The following ADAMTS2 variants were observed in gnomAD, a reference collection of about 807,000 sequenced individuals.
The protein encoded by ADAMTS2 is ADAM metallopeptidase with thrombospondin type 1 motif 2.
In ADAMTS2, 50 loss-of-function variants were observed where a neutral mutation model predicts 123.0. That is an observed-to-expected ratio of 0.41 (90% CI 0.32 to 0.51). ADAMTS2 has a LOEUF of 0.51. Among genes scored for constraint, ADAMTS2 ranks in the 20% least tolerant of loss-of-function variants. The pLI is 0.35. For synonymous variants in ADAMTS2, 678 were observed against 695.4 expected (o/e 0.98, Z 0.39); for missense variants, 1,494 against 1,705.2 (o/e 0.88, Z 2.18).
At chr5:179,282,713 T>C (rs2113530841) in intron 2 of ADAMTS2, among the ~76,000 whole-genome samples, 1 of 152,312 alleles carries the variant, frequency 6.6e-6, no homozygotes, top group African/African-American at 2.4e-5. Flanking sequence ...TCATGTTTGG[T>C]ACCCATTAGT....
intron 5 of ADAMTS2, among the ~76,000 whole-genome samples, chr5:179,174,574 A>G (rs1763892656): frequency 6.6e-6 from 1 of 152,192 alleles, no homozygotes; most frequent in Non-Finnish European, 1.5e-5. Context: ...TTTATGTTAT[A>G]TATTTATTTA....
Position 179,113,485 on chromosome 5 carries a change from G to A in ADAMTS2, c.*382C>T, listed in dbSNP as rs1762602014. 2 of 290,946 alleles carry A rather than the reference G, an allele frequency of 6.9e-6. No individual in the cohort carries two copies. The highest frequency in any genetic ancestry group is 1.3e-5 in the Non-Finnish European group (2 of 151,802). The allele number at this position is 290,946 out of a possible 1,614,324, so 18.0% of individuals were successfully genotyped here. ...GTCCCACAGGCTGTGTCTGGGGATC[G>A]GTAGGGAATGTCATGCATCTCCGCC... On this transcript the variant is annotated 3_prime_UTR_variant, in exon 22 of 22. Coordinates refer to ENST00000251582, the MANE Select transcript of ADAMTS2 (RefSeq NM_014244.5).
chr5:179,278,290 G>A (rs1031085145), intron 2 of ADAMTS2, among the ~76,000 whole-genome samples: 2 of 151,468 alleles, frequency 1.3e-5, no homozygotes, highest in African/African-American at 2.4e-5. Context: ...TTTATTCCCT[G>A]ATTTTCAAAC....
intron 9 of ADAMTS2, among the ~76,000 whole-genome samples, chr5:179,153,136 G>A (rs1221009135): frequency 1.3e-5 from 2 of 151,144 alleles, no homozygotes; most frequent in Non-Finnish European, 2.9e-5. Flanking sequence ...TGGCCTCTGC[G>A]TCCGTGGCCC....
chr5:179,255,109 A>C lies in ADAMTS2; in HGVS notation c.688+17802T>G, dbSNP rs181626310. On this transcript the variant is annotated intron_variant, in intron 3 of 21. Coordinates refer to ENST00000251582, the MANE Select transcript of ADAMTS2 (RefSeq NM_014244.5). ...TGAGTAAGTAGATGAATGGAGATCA[A>C]TGATGGATGGATAGATGGATGGATG... Among the ~76,000 whole-genome samples the C allele has an allele frequency of 3.2e-3, 492 of 152,270 alleles. 3 individuals carry two copies. Among genetic ancestry groups the C allele is most frequent in the African/African-American group, 0.011 (465 of 41,544 alleles).
intron 5 of ADAMTS2, among the ~76,000 whole-genome samples, chr5:179,177,020 G>A (rs1016410516): frequency 1.8e-4 from 28 of 152,248 alleles, no homozygotes; most frequent in African/African-American, 5.5e-4. Context: ...TGCCTGACCC[G>A]CGTCTCCTCC....
At chr5:179,310,196 G>C (rs1724554127) in intron 2 of ADAMTS2, among the ~76,000 whole-genome samples, 1 of 152,260 alleles carries the variant, frequency 6.6e-6, no homozygotes, top group Admixed American at 6.5e-5. Context: ...ATGCTCTGCT[G>C]TCTGCTGTGG....
At chr5:179,122,586 A>G (rs1339861416) in intron 20 of ADAMTS2, 58 bp downstream of exon 20, 2 of 1,538,700 alleles carry the variant, frequency 1.3e-6, no homozygotes, top group East Asian at 2.5e-5. Context: ...AGCCTCTGAC[A>G]CCCCCGCCCT....
At chr5:179,280,076 A>G (rs459770) in intron 2 of ADAMTS2, among the ~76,000 whole-genome samples, 48,453 of 152,034 alleles carry the variant, frequency 0.32, 7,948 homozygotes, top group East Asian at 0.47. Flanking sequence ...GAGCACAGTG[A>G]CCACAACAGA....
chr5:179,143,203 G>A (rs1383209792), intron 10 of ADAMTS2, among the ~76,000 whole-genome samples: 2 of 152,186 alleles, frequency 1.3e-5, no homozygotes, highest in Non-Finnish European at 1.5e-5. Context: ...GGAGGCCGAG[G>A]GGGGCAGATC....
rs1329865468 is a variant in ADAMTS2, at chr5:179,225,671, T to C, written c.689-17956A>G. ...CGGCAGAAGCAGAACGACACGGAGT[T>C]TGGCCGGGGCAGTCAGAGGAGAGCC... On this transcript the variant is annotated intron_variant, in intron 3 of 21. Transcript: ENST00000251582. This position sits in a 1 kb window ranked among gnomAD's most constrained non-coding sequence, Gnocchi z 4.5. Among the ~76,000 whole-genome samples, 1 of 152,076 alleles carries C rather than the reference T, an allele frequency of 6.6e-6. No homozygotes were observed. Among genetic ancestry groups the C allele is most frequent in the African/African-American group, 2.4e-5 (1 of 41,418 alleles).
In ADAMTS2 at chr5:179,146,939, G is replaced by A. The variant is rs188817848; in HGVS notation, c.1629+5203C>T. 3.0e-3 allele frequency among the ~76,000 whole-genome samples: 453 copies of A among 152,232 alleles called. 1 individual carries two copies. Among genetic ancestry groups the A allele is most frequent in the Middle Eastern group, 6.8e-3 (2 of 294 alleles). Reference sequence around the variant, plus strand: ...AACATTCCCAAGCCACTTTCAAAACGGAAGTGAAAACAGTGCCTTCAGACG... The same window carrying A: ...AACATTCCCAAGCCACTTTCAAAACAGAAGTGAAAACAGTGCCTTCAGACG... On this transcript the variant is annotated intron_variant, in intron 10 of 21. Transcript: ENST00000251582.
chr5:179,250,639 T>C (rs996617413), intron 3 of ADAMTS2, among the ~76,000 whole-genome samples: 4 of 152,182 alleles, frequency 2.6e-5, no homozygotes, highest in African/African-American at 9.7e-5. Flanking sequence ...CAGGCAACCC[T>C]CTGTGGGTGA....
At chr5:179,123,210 G>A (rs1349478860) in intron 19 of ADAMTS2, among the ~76,000 whole-genome samples, 1 of 152,186 alleles carries the variant, frequency 6.6e-6, no homozygotes, top group Admixed American at 6.5e-5. Flanking sequence ...TCCACCACTA[G>A]TGCCCTCACT....
intron 2 of ADAMTS2, among the ~76,000 whole-genome samples, chr5:179,309,854 TA>T (rs1756778980): frequency 1.3e-5 from 2 of 148,508 alleles, no homozygotes; most frequent in Non-Finnish European, 3.0e-5. Context: ...TTAAAATGCA[TA>T]GGGGAGGAGC....
rs951279129 is a variant in ADAMTS2 at position 179,175,180 on chromosome 5, T to G, written c.975+5892A>C. Among the ~76,000 whole-genome samples the G allele has an allele frequency of 1.3e-5, 2 of 151,142 alleles. No individual in the cohort carries two copies. Among genetic ancestry groups the G allele is most frequent in the Admixed American group, 1.3e-4 (2 of 15,180 alleles). Reference sequence around the variant, plus strand: ...TGGGTTCCGCAGCTGTCTCAGCCATTCTTGACCGTCCATGTTGCTTTGGAG... The same window carrying G: ...TGGGTTCCGCAGCTGTCTCAGCCATGCTTGACCGTCCATGTTGCTTTGGAG... On this transcript the variant is annotated intron_variant, in intron 5 of 21. Transcript: ENST00000251582. The surrounding 1 kb of genome is among the most constrained non-coding windows in gnomAD (Gnocchi z 4.1).
At chr5:179,236,256 C>T (rs1765526049) in intron 3 of ADAMTS2, among the ~76,000 whole-genome samples, 1 of 152,218 alleles carries the variant, frequency 6.6e-6, no homozygotes, top group Admixed American at 6.5e-5. Flanking sequence ...ACTTTCCCTC[C>T]CTCCTCTCTG....
chr5:179,127,823 C>A (rs1038610461), intron 17 of ADAMTS2, 136 bp downstream of exon 17: 1 of 1,219,060 alleles, frequency 8.2e-7, no homozygotes, highest in Admixed American at 1.8e-5. Context: ...TGCCGCTAAG[C>A]CCTTGCCCAC....
At chr5:179,223,526 A>G (rs201479537) in intron 3 of ADAMTS2, among the ~76,000 whole-genome samples, 9 of 126,712 alleles carry the variant, frequency 7.1e-5, no homozygotes, top group African/African-American at 2.6e-4. Context: ...GCACTCACAC[A>G]CATGCACTCA....
Sources: gnomAD v4.1 joint callset for allele counts (sites outside exome capture counted in the v4.1 genomes callset) on GRCh38, gnomAD v4.1.1 for gene constraint, Gnocchi (gnomAD v3.1) non-coding constraint, MANE v1.5 for transcripts, NCBI Gene and HGNC (gene_info 2026-07-23, HGNC 2026-07-21) for gene names.